EPB41: variants seen among roughly 807,000 people sequenced by gnomAD.
The protein encoded by EPB41 is protein 4.1.
Under a neutral mutation model 108.0 loss-of-function variants are expected in EPB41, and 65 were observed. The ratio of observed to expected loss-of-function variants is 0.60; its 90% CI spans 0.49 to 0.74. The LOEUF (loss-of-function observed/expected upper bound fraction) is 0.74, where lower values mean the gene tolerates loss of function less well. Among genes scored for constraint, EPB41 ranks in the 30% least tolerant of loss-of-function variants. The pLI, the probability that EPB41 is intolerant of heterozygous loss-of-function variation, is 0.00. For missense variants in EPB41, 875 were observed against 1,037.0 expected, an observed-to-expected ratio of 0.84 and a Z score of 2.15; for synonymous variants, 336 against 358.9, an observed-to-expected ratio of 0.94 and a Z score of 0.72.
chr1:28,984,747 T>C (rs1275369116), intron 1 of EPB41, among the ~76,000 whole-genome samples: 1 of 151,662 alleles, frequency 6.6e-6, no homozygotes, highest in Non-Finnish European at 1.5e-5. Flanking sequence ...AGCGTCAGCC[T>C]CCTGGATTCA....
chr1:29,009,417 T>A (rs1359930046), intron 4 of EPB41, among the ~76,000 whole-genome samples: 1 of 152,212 alleles, frequency 6.6e-6, no homozygotes, highest in Non-Finnish European at 1.5e-5. Context: ...GCCTTCCCTA[T>A]GTCAAGTTAG....
intron 6 of EPB41, 37 bp downstream of exon 6, chr1:29,015,804 T>TTATTATATGATA: frequency 7.7e-7 from 1 of 1,292,118 alleles, no homozygotes; most frequent in Non-Finnish European, 1.1e-6. Flanking sequence ...ATTTATCATA[T>TTATTATATGATA]AATAATGTGT....
chr1:29,105,743 CT>C (rs63685960), intron 17 of EPB41, among the ~76,000 whole-genome samples: 7,447 of 90,786 alleles, frequency 0.082, 84 homozygotes, highest in African/African-American at 0.11. Context: ...ATGTACAGAT[CT>C]TTTTTTTTTT....
chr1:29,081,289 GA>G (rs1208239306), intron 16 of EPB41, among the ~76,000 whole-genome samples: 2 of 152,128 alleles, frequency 1.3e-5, no homozygotes, highest in African/African-American at 2.4e-5. Flanking sequence ...TTAGTATGAT[GA>G]ATTTGTCTTT....
At chr1:28,970,177 T>C (rs1417046031) in intron 1 of EPB41, among the ~76,000 whole-genome samples, 2 of 152,220 alleles carry the variant, frequency 1.3e-5, no homozygotes, top group African/African-American at 4.8e-5. Context: ...AGTATATTTT[T>C]CATACTTAAC....
At chr1:29,104,548 T>C (rs1666495006) in intron 17 of EPB41, among the ~76,000 whole-genome samples, 1 of 151,922 alleles carries the variant, frequency 6.6e-6, no homozygotes, top group East Asian at 1.9e-4. Context: ...CATGAGTAGC[T>C]AGGACTCCAG....
chr1:29,057,443 T>C (rs985837117), intron 12 of EPB41, among the ~76,000 whole-genome samples: 1 of 147,878 alleles, frequency 6.8e-6, no homozygotes, highest in Non-Finnish European at 1.5e-5. Context: ...GTAGTTAAAG[T>C]GCTGTAATGG....
At chr1:28,953,697 C>CT (rs1557798525) in intron 1 of EPB41, among the ~76,000 whole-genome samples, 2 of 152,138 alleles carry the variant, frequency 1.3e-5, no homozygotes, top group Admixed American at 1.3e-4. Flanking sequence ...CAAAACTAAA[C>CT]TTTTTTTAGT....
At position 29,018,449 on chromosome 1, in the gene EPB41, A is replaced by G. The variant is rs1343686499; in HGVS notation, c.1124+7A>G. On this transcript the variant is annotated splice_region_variant and intron_variant, in intron 7 of 20. Transcript: ENST00000343067. The surrounding 1 kb of genome is among the most constrained non-coding windows in gnomAD (Gnocchi z 4.4). ...AACTGCATAAGTCATACAGGTGAAT[A>G]TGTCTCCAGGGTTTGTTCGGTGTTT... The G allele has an allele frequency of 1.9e-6, 3 of 1,612,834 alleles. No homozygotes were observed. Among genetic ancestry groups the G allele is most frequent in the South Asian group, 2.2e-5 (2 of 91,008 alleles).
At chr1:28,946,105 T>C (rs2094478303) in intron 1 of EPB41, among the ~76,000 whole-genome samples, 2 of 152,042 alleles carry the variant, frequency 1.3e-5, no homozygotes. Flanking sequence ...TGATAACGTA[T>C]ACAATTTTAT....
chr1:28,915,482 C>T (rs941959529), intron 1 of EPB41, among the ~76,000 whole-genome samples: 29 of 152,134 alleles, frequency 1.9e-4, no homozygotes, highest in Admixed American at 1.8e-3. Context: ...GCCATTATTC[C>T]TGGGGAGGTT....
At chr1:28,961,611 T>A (rs2095217115) in intron 1 of EPB41, among the ~76,000 whole-genome samples, 1 of 152,216 alleles carries the variant, frequency 6.6e-6, no homozygotes, top group Non-Finnish European at 1.5e-5. Context: ...ACTTGAACAA[T>A]GAGGTAACAC....
chr1:29,092,099 T>C (rs1661441721), intron 16 of EPB41, among the ~76,000 whole-genome samples: 2 of 147,928 alleles, frequency 1.4e-5, no homozygotes, highest in East Asian at 3.9e-4. Flanking sequence ...CCTTCTTTTT[T>C]TTTTTTTTTT....
chr1:28,934,190 G>T (rs2148615628), intron 1 of EPB41, among the ~76,000 whole-genome samples: 1 of 152,206 alleles, frequency 6.6e-6, no homozygotes, highest in East Asian at 1.9e-4. Flanking sequence ...TGATGTTTTT[G>T]TCATTATTAG....
At chr1:29,012,733 C>A (rs1343065728) in intron 5 of EPB41, among the ~76,000 whole-genome samples, 2 of 152,202 alleles carry the variant, frequency 1.3e-5, no homozygotes, top group Admixed American at 6.5e-5. Context: ...GAAGAAAACA[C>A]TTTTGTTATG....
At chr1:28,945,366 C>T (rs772139493) in intron 1 of EPB41, among the ~76,000 whole-genome samples, 6 of 152,032 alleles carry the variant, frequency 3.9e-5, no homozygotes, top group Admixed American at 6.6e-5. Flanking sequence ...TCGATAAAGA[C>T]GGTGTATATT....
intron 1 of EPB41, among the ~76,000 whole-genome samples, chr1:28,951,052 T>C (rs1182249074): frequency 6.6e-6 from 1 of 152,002 alleles, no homozygotes; most frequent in Non-Finnish European, 1.5e-5. Flanking sequence ...CCAAGGCTGG[T>C]CTTGAATTCT....
chr1:29,109,813 C>G (rs529423798), intron 18 of EPB41: 1 of 338,990 alleles, frequency 2.9e-6, no homozygotes, highest in Non-Finnish European at 5.8e-6. Context: ...GCAGGTGGAT[C>G]ACCTGAGATC....
intron 16 of EPB41, among the ~76,000 whole-genome samples, chr1:29,088,236 G>A (rs1484449431): frequency 6.6e-6 from 1 of 151,766 alleles, no homozygotes; most frequent in Non-Finnish European, 1.5e-5. Context: ...TAGTAGAGAC[G>A]GGGTTTCGCC....
Sources: allele counts gnomAD v4.1 joint callset (sites outside exome capture counted in the v4.1 genomes callset), GRCh38; gene constraint gnomAD v4.1.1; non-coding constraint Gnocchi (gnomAD v3.1); transcripts MANE v1.5; gene names NCBI Gene and HGNC (gene_info 2026-07-23, HGNC 2026-07-21).